Variants in DNAH11 observed in about 807,000 individuals in gnomAD.
DNAH11 encodes axonemal beta dynein heavy chain 11.
Under a neutral mutation model 526.0 loss-of-function variants are expected in DNAH11, and 442 were observed. That is an observed-to-expected ratio of 0.84 (90% confidence interval 0.78 to 0.91). The LOEUF (loss-of-function observed/expected upper bound fraction) is 0.91. DNAH11 is among the 40% of genes least tolerant of loss of function. The pLI, the probability that DNAH11 is intolerant of heterozygous loss-of-function variation, is 0.00. For missense variants in DNAH11, 6,989 were observed against 5,448.7 expected, an observed-to-expected ratio of 1.28 and a Z score of -8.90; for synonymous variants, 2,461 against 1,935.9, an observed-to-expected ratio of 1.27 and a Z score of -7.12.
At chr7:21,707,069 C>A (rs1784294463) in intron 39 of DNAH11, among the ~76,000 whole-genome samples, 1 of 152,168 alleles carries the variant, frequency 6.6e-6, no homozygotes, top group Non-Finnish European at 1.5e-5. Context: ...TATTTAGCAA[C>A]CTCCCTGGTC....
At chr7:21,625,616 T>G (rs1786292644) in intron 25 of DNAH11, among the ~76,000 whole-genome samples, 1 of 151,542 alleles carries the variant, frequency 6.6e-6, no homozygotes, top group Non-Finnish European at 1.5e-5. Context: ...GAGATTTTCT[T>G]GTTGTTGTAA....
rs17150381 is a variant in DNAH11, at chr7:21,816,264, C to G, written c.10333-203C>G. On this transcript the variant is annotated intron_variant, in intron 63 of 81. Coordinates refer to ENST00000409508, the MANE Select transcript of DNAH11 (RefSeq NM_001277115.2). ...AAAACCGATGTTGAATCCCACAGTTCACAGAATTCTGAGATGTAAATACTG... is the reference window on the plus strand; with the variant it reads ...AAAACCGATGTTGAATCCCACAGTTGACAGAATTCTGAGATGTAAATACTG... Among the ~76,000 whole-genome samples, 1,828 of 152,228 alleles carry G rather than the reference C, an allele frequency of 0.012. 41 individuals are homozygous for G. The highest frequency in any genetic ancestry group is 0.042 in the African/African-American group (1,738 of 41,524).
At chr7:21,593,345 G>A (rs1784757919) in intron 14 of DNAH11, among the ~76,000 whole-genome samples, 2 of 152,200 alleles carry the variant, frequency 1.3e-5, no homozygotes, top group Non-Finnish European at 2.9e-5. Flanking sequence ...TGGAAGCTTG[G>A]TGGGAGTGGG....
intron 25 of DNAH11, 69 bp from the exon 26 acceptor site, chr7:21,635,802 T>A (rs186843507): frequency 5.0e-5 from 64 of 1,276,124 alleles, no homozygotes; most frequent in Non-Finnish European, 6.5e-5. Context: ...GTAGATATAG[T>A]GCCTCCCTCA....
At chr7:21,611,521 G>A (rs140713663) in intron 20 of DNAH11, among the ~76,000 whole-genome samples, 11 of 152,230 alleles carry the variant, frequency 7.2e-5, no homozygotes, top group African/African-American at 1.7e-4. Flanking sequence ...CTGGAGAACC[G>A]TGACTAATAC....
chr7:21,829,164 C>T (rs1001744614), intron 65 of DNAH11, among the ~76,000 whole-genome samples: 1 of 152,114 alleles, frequency 6.6e-6, no homozygotes. Flanking sequence ...TTTTAAACAG[C>T]AGGATGTGCA....
At chr7:21,773,179 G>A (rs1285414134) in intron 55 of DNAH11, among the ~76,000 whole-genome samples, 4 of 152,172 alleles carry the variant, frequency 2.6e-5, no homozygotes, top group African/African-American at 4.8e-5. Flanking sequence ...GGGTCTTCCA[G>A]TAACTCATTG....
intron 58 of DNAH11, among the ~76,000 whole-genome samples, chr7:21,784,968 A>T (rs1007344645): frequency 4.6e-5 from 7 of 152,228 alleles, no homozygotes; most frequent in Non-Finnish European, 1.0e-4. Flanking sequence ...GGGAGCAAAG[A>T]TACCTAGGTT....
At chr7:21,871,477 G>A (rs1003425974) in intron 73 of DNAH11, among the ~76,000 whole-genome samples, 2 of 152,176 alleles carry the variant, frequency 1.3e-5, no homozygotes, top group African/African-American at 4.8e-5. Flanking sequence ...GTCCCCTTCA[G>A]TGACTCCAAA....
intron 54 of DNAH11, among the ~76,000 whole-genome samples, chr7:21,752,331 C>T (rs557685772): frequency 1.3e-5 from 2 of 152,316 alleles, no homozygotes; most frequent in African/African-American, 4.8e-5. Context: ...CATCTAGATC[C>T]CCTCTTCTTG....
chr7:21,888,742 C>T (rs1784221677), intron 76 of DNAH11, among the ~76,000 whole-genome samples: 1 of 152,112 alleles, frequency 6.6e-6, no homozygotes, highest in Non-Finnish European at 1.5e-5. Flanking sequence ...CCCACCTCGG[C>T]CTCCCAAAGT....
At chr7:21,776,237 T>A (rs914252029) in intron 56 of DNAH11, among the ~76,000 whole-genome samples, 1 of 152,222 alleles carries the variant, frequency 6.6e-6, no homozygotes, top group African/African-American at 2.4e-5. Flanking sequence ...GACATCTTGA[T>A]TGACCATGAA....
intron 65 of DNAH11, among the ~76,000 whole-genome samples, chr7:21,821,922 G>A (rs145571902): frequency 2.8e-3 from 423 of 151,834 alleles, no homozygotes; most frequent in African/African-American, 8.7e-3. Flanking sequence ...CATGAGACCC[G>A]ATTTTTTAGC....
intron 14 of DNAH11, among the ~76,000 whole-genome samples, chr7:21,598,643 C>G (rs1475360743): frequency 1.3e-5 from 2 of 151,736 alleles, no homozygotes; most frequent in Admixed American, 6.6e-5. Context: ...TAAACAAGGT[C>G]TGAAAACATG....
In DNAH11 at chr7:21,759,321, G is replaced by C. The variant is rs13438602; in HGVS notation, c.8941-6107G>C. 7.7e-3 allele frequency among the ~76,000 whole-genome samples: 1,168 copies of C among 152,290 alleles called. 15 individuals carry two copies. Among genetic ancestry groups the C allele is most frequent in the African/African-American group, 0.027 (1,117 of 41,554 alleles). On this transcript the variant is annotated intron_variant, in intron 54 of 81. Coordinates refer to ENST00000409508, the MANE Select transcript of DNAH11 (RefSeq NM_001277115.2). ...TGTCCAATATTTACACAAGTCAAAG[G>C]TTATGGGAATGAGTTTATTGTGTGC... is the stretch of plus-strand genomic sequence containing the variant.
At chr7:21,815,731 C>A (rs2127999733) in intron 63 of DNAH11, among the ~76,000 whole-genome samples, 1 of 152,298 alleles carries the variant, frequency 6.6e-6, no homozygotes, top group South Asian at 2.1e-4. Flanking sequence ...TGATTGATGA[C>A]TGGCGGAGTG....
chr7:21,671,078 T>G (rs1392766560), intron 30 of DNAH11, among the ~76,000 whole-genome samples: 1 of 152,228 alleles, frequency 6.6e-6, no homozygotes, highest in Admixed American at 6.5e-5. Flanking sequence ...GAGCTTATGT[T>G]AGACATCACT....
At chr7:21,705,194 T>G (rs955662414) in intron 38 of DNAH11, among the ~76,000 whole-genome samples, 2 of 152,206 alleles carry the variant, frequency 1.3e-5, no homozygotes, top group African/African-American at 4.8e-5. Flanking sequence ...CATGAAGAGT[T>G]AATGATTTTT....
chr7:21,840,716 C>G (rs1275853522), intron 65 of DNAH11, among the ~76,000 whole-genome samples: 2 of 151,986 alleles, frequency 1.3e-5, no homozygotes, highest in African/African-American at 4.8e-5. Flanking sequence ...ACTACGTACC[C>G]TTAAATTAAA....
Sources: gnomAD v4.1 joint callset for allele counts (sites outside exome capture counted in the v4.1 genomes callset) on GRCh38, gnomAD v4.1.1 for gene constraint, MANE v1.5 for transcripts, NCBI Gene and HGNC (gene_info 2026-07-23, HGNC 2026-07-21) for gene names.